The following PACRG variants were observed in gnomAD, a reference collection of about 807,000 sequenced individuals.
PACRG encodes parkin coregulated gene protein.
A neutral mutation model predicts 29.7 loss-of-function variants in PACRG; 29 were observed. That is an observed-to-expected ratio of 0.98 (90% confidence interval 0.73 to 1.33). The LOEUF (loss-of-function observed/expected upper bound fraction) is 1.33. PACRG is among the 40% of genes most tolerant of loss of function. PACRG has a pLI of 0.00. For synonymous variants in PACRG, 116 were observed against 118.7 expected, an observed-to-expected ratio of 0.98 and a Z score of 0.15; for missense variants, 279 against 316.2, an observed-to-expected ratio of 0.88 and a Z score of 0.89.
rs1327371037 is a variant in PACRG at position 162,777,231 on chromosome 6, G to A, written c.157-36916G>A. On this transcript the variant is annotated intron_variant, in intron 1 of 4. Transcript: ENST00000366888. The surrounding 1 kb of genome is among the most constrained non-coding windows in gnomAD (Gnocchi z 4.0). ...AGACTCACTTGGCTCCCTCGTGCCG[G>A]CTGTGTGACGTTGTTTTTCTCCACT... is the stretch of plus-strand genomic sequence containing the variant. 6.6e-6 allele frequency among the ~76,000 whole-genome samples: 1 copy of A among 152,186 alleles called. No individual in the cohort carries two copies. The highest frequency in any genetic ancestry group is 1.5e-5 in the Non-Finnish European group (1 of 68,034).
intron 1 of PACRG, among the ~76,000 whole-genome samples, chr6:162,805,572 C>T (rs1786249751): frequency 6.6e-6 from 1 of 152,190 alleles, no homozygotes; most frequent in South Asian, 2.1e-4. Flanking sequence ...AAAGATTTCT[C>T]TGTAGCATGT....
chr6:163,197,147 A>G (rs773700261), intron 4 of PACRG, among the ~76,000 whole-genome samples: 23 of 152,192 alleles, frequency 1.5e-4, no homozygotes, highest in Non-Finnish European at 3.2e-4. Flanking sequence ...GAAAAAATAC[A>G]TATATTAGTA....
intron 2 of PACRG, among the ~76,000 whole-genome samples, chr6:162,990,373 A>G (rs868596002): frequency 4.5e-4 from 68 of 150,946 alleles, no homozygotes; most frequent in African/African-American, 1.3e-3. Flanking sequence ...AAGTGTTCCT[A>G]TTTCTCCACA....
At chr6:162,946,993 A>C in intron 2 of PACRG, among the ~76,000 whole-genome samples, 1 of 151,974 alleles carries the variant, frequency 6.6e-6, no homozygotes, top group Non-Finnish European at 1.5e-5. Context: ...AATAAAGGCC[A>C]TATATGACAA....
intron 4 of PACRG, among the ~76,000 whole-genome samples, chr6:163,197,446 T>TCTTTTCTTTTCTTTTCTTTTC (rs1562959303): frequency 2.1e-5 from 3 of 141,448 alleles, no homozygotes; most frequent in African/African-American, 7.9e-5. Context: ...TTTTTTTTTT[T>TCTTTTCTTTTCTTTTCTTTTC]TTTTTTTTTT....
chr6:162,974,477 T>A (rs1801785016), intron 2 of PACRG, among the ~76,000 whole-genome samples: 1 of 152,204 alleles, frequency 6.6e-6, no homozygotes, highest in African/African-American at 2.4e-5. Flanking sequence ...CTTTAAGAAT[T>A]GTAGTCTCAC....
chr6:163,247,578 C>T (rs1782741864), intron 4 of PACRG, among the ~76,000 whole-genome samples: 1 of 152,176 alleles, frequency 6.6e-6, no homozygotes, highest in Admixed American at 6.5e-5. Flanking sequence ...CCTTTGACCA[C>T]AGTTTGATGA....
chr6:162,975,323 T>C (rs1392493304), intron 2 of PACRG, among the ~76,000 whole-genome samples: 1 of 152,226 alleles, frequency 6.6e-6, no homozygotes, highest in African/African-American at 2.4e-5. Context: ...GGCCCTGATA[T>C]ATGGCAAATG....
chr6:163,299,004 T>G (rs1784886827), intron 4 of PACRG, among the ~76,000 whole-genome samples: 1 of 152,206 alleles, frequency 6.6e-6, no homozygotes, highest in South Asian at 2.1e-4. Context: ...CCAGGACTTC[T>G]CACTCTGAAG....
At chr6:162,740,243 T>C (rs1023203800) in intron 1 of PACRG, among the ~76,000 whole-genome samples, 2 of 152,174 alleles carry the variant, frequency 1.3e-5, no homozygotes, top group African/African-American at 4.8e-5. Context: ...GCGGTCAAGT[T>C]TCATGAAAAT....
At chr6:162,996,140 A>C (rs1804024813) in intron 2 of PACRG, among the ~76,000 whole-genome samples, 1 of 152,148 alleles carries the variant, frequency 6.6e-6, no homozygotes, top group Non-Finnish European at 1.5e-5. Context: ...GTGTGTGTGC[A>C]TGCACACACA....
In PACRG at chr6:162,813,380, T is replaced by C. The variant is rs550914590; in HGVS notation, c.157-767T>C. ...AATAGTACATTTATTTTCTAAATAGTTTACTTACTACTTTCAATTTTGTAA... is the reference window on the plus strand; with the variant it reads ...AATAGTACATTTATTTTCTAAATAGCTTACTTACTACTTTCAATTTTGTAA... On this transcript the variant is annotated intron_variant, in intron 1 of 4. Transcript: ENST00000366888. 1.7e-4 allele frequency among the ~76,000 whole-genome samples: 26 copies of C among 152,148 alleles called. No individual in the cohort carries two copies. In the South Asian group the frequency reaches 5.4e-3, roughly 31 times the overall value.
intron 4 of PACRG, among the ~76,000 whole-genome samples, chr6:163,150,875 G>T (rs1052348731): frequency 5.3e-5 from 8 of 152,142 alleles, no homozygotes; most frequent in Non-Finnish European, 1.2e-4. Context: ...ATGACCTAGG[G>T]TAATGTTTTC....
At chr6:163,213,683 C>T (rs1193813626) in intron 4 of PACRG, among the ~76,000 whole-genome samples, 3 of 151,998 alleles carry the variant, frequency 2.0e-5, no homozygotes, top group East Asian at 3.9e-4. Flanking sequence ...ATTTTTTTCT[C>T]ATTGATTGGT....
chr6:163,022,119 G>A (rs1002346579), intron 2 of PACRG, among the ~76,000 whole-genome samples: 1 of 152,176 alleles, frequency 6.6e-6, no homozygotes, highest in African/African-American at 2.4e-5. Flanking sequence ...AGTGGGGCAA[G>A]TGCACTCAGA....
chr6:163,062,347 A>C, intron 3 of PACRG, 26 bp downstream of exon 3: 1 of 1,601,442 alleles, frequency 6.2e-7, no homozygotes, highest in East Asian at 2.2e-5. Flanking sequence ...AAAAAGCATC[A>C]CTCAGTTTAT....
chr6:163,034,790 C>G (rs1017490848), intron 2 of PACRG, among the ~76,000 whole-genome samples: 6 of 152,116 alleles, frequency 3.9e-5, no homozygotes, highest in African/African-American at 1.4e-4. Flanking sequence ...GGTCCTAATC[C>G]AGACCCCAAG....
In PACRG at chr6:162,801,372, A is replaced by G. The variant is rs559762199; in HGVS notation, c.157-12775A>G. ...GATCCGCCCCCCTTGGCCTCCCAAA[A>G]TGCTGGGATTATAGGCGTAAGCCAC... On this transcript the variant is annotated intron_variant, in intron 1 of 4. Transcript: ENST00000366888. 2.0e-4 allele frequency among the ~76,000 whole-genome samples: 31 copies of G among 152,170 alleles called. 1 individual carries two copies. The South Asian group carries it at 5.4e-3, about 26-fold the overall frequency.
intron 3 of PACRG, among the ~76,000 whole-genome samples, chr6:163,069,692 A>G (rs1274195274): frequency 6.6e-6 from 1 of 152,178 alleles, no homozygotes; most frequent in Non-Finnish European, 1.5e-5. Flanking sequence ...GGAAAATCTA[A>G]GAGTTATTGG....
Sources: allele counts gnomAD v4.1 joint callset (sites outside exome capture counted in the v4.1 genomes callset), GRCh38; gene constraint gnomAD v4.1.1; non-coding constraint Gnocchi (gnomAD v3.1); transcripts MANE v1.5; gene names NCBI Gene and HGNC (gene_info 2026-07-23, HGNC 2026-07-21).